The following MTHFD2L variants were observed in gnomAD, a reference collection of about 807,000 sequenced individuals.
MTHFD2L encodes the protein methylenetetrahydrofolate dehydrogenase (NADP+ dependent) 2 like.
In MTHFD2L, 29 loss-of-function variants were observed where a neutral mutation model predicts 34.9. The observed-to-expected ratio is 0.83, with a 90% confidence interval of 0.62 to 1.13. MTHFD2L has a LOEUF of 1.13. Ranked by LOEUF, MTHFD2L falls within the 50% of genes most tolerant of loss-of-function variation. The pLI, the probability that MTHFD2L is intolerant of heterozygous loss-of-function variation, is 0.00. For missense variants in MTHFD2L, 481 were observed against 446.5 expected, an observed-to-expected ratio of 1.08 and a Z score of -0.70; for synonymous variants, 167 against 155.7, an observed-to-expected ratio of 1.07 and a Z score of -0.54.
chr4:74,225,306 T>C lies in MTHFD2L; in HGVS notation c.717T>C (p.Asp239=), dbSNP rs75876975. 1 of 1,611,562 alleles carries C rather than the reference T, an allele frequency of 6.2e-7. No individual in the cohort carries two copies. Among genetic ancestry groups the C allele is most frequent in the Admixed American group, 1.7e-5 (1 of 59,724 alleles). ...AGAAATTCTTCTGTATTCCAGGTGA[T>C]GCAACTGTGACAATAGCTCACAGAT... ...TDGEHERPGG[D]ATVTIAHRYT... is the part of the protein sequence containing the mutation. The change falls in exon 6 of 8, where the codon GAT becomes GAC. Residue 239 remains aspartate, a synonymous_variant. Coordinates refer to ENST00000325278, the MANE Select transcript of MTHFD2L (RefSeq NM_001144978.3).
chr4:74,229,511 A>G (rs185102750), intron 6 of MTHFD2L, among the ~76,000 whole-genome samples: 70 of 152,326 alleles, frequency 4.6e-4, no homozygotes, highest in Admixed American at 2.4e-3. Context: ...TGCGTGATAT[A>G]TATCAGAAAG....
At chr4:74,226,595 GAT>G (rs1406694763) in intron 6 of MTHFD2L, among the ~76,000 whole-genome samples, 1 of 152,114 alleles carries the variant, frequency 6.6e-6, no homozygotes, top group Non-Finnish European at 1.5e-5. Context: ...CTTGTGTATG[GAT>G]AATTCACTTA....
intron 7 of MTHFD2L, among the ~76,000 whole-genome samples, chr4:74,292,387 A>T (rs971125781): frequency 6.6e-6 from 1 of 152,026 alleles, no homozygotes; most frequent in East Asian, 1.9e-4. Context: ...GTTTTTTTTT[A>T]TAGTTGTTTC....
chr4:74,256,726 C>T (rs986532594), intron 6 of MTHFD2L, among the ~76,000 whole-genome samples: 1 of 152,092 alleles, frequency 6.6e-6, no homozygotes, highest in African/African-American at 2.4e-5. Flanking sequence ...AGTGGGGAAA[C>T]GTATAACTAT....
intron 3 of MTHFD2L, 107 bp from the exon 4 acceptor site, chr4:74,199,687 T>G (rs1734078684): frequency 1.0e-6 from 1 of 959,464 alleles, no homozygotes; most frequent in Non-Finnish European, 1.5e-6. Flanking sequence ...TACACCTTTT[T>G]TAGAGCCGAA....
At chr4:74,177,763 CATG>C (rs1250383655) in intron 3 of MTHFD2L, among the ~76,000 whole-genome samples, 1 of 151,920 alleles carries the variant, frequency 6.6e-6, no homozygotes, top group Non-Finnish European at 1.5e-5. Context: ...ATCCAAATGT[CATG>C]ATATCAGTAT....
chr4:74,148,891 T>C (rs193213197), intron 1 of MTHFD2L, among the ~76,000 whole-genome samples: 1 of 152,010 alleles, frequency 6.6e-6, no homozygotes, highest in East Asian at 1.9e-4. Flanking sequence ...GTCTTTTCTG[T>C]ATCCCAAAAG....
At chr4:74,170,091 G>A (rs1372194393) in intron 1 of MTHFD2L, among the ~76,000 whole-genome samples, 3 of 152,202 alleles carry the variant, frequency 2.0e-5, no homozygotes, top group Non-Finnish European at 2.9e-5. Flanking sequence ...ACACTCTTCC[G>A]GAAATTTGAA....
At chr4:74,271,731 A>T (rs1560548675) in intron 6 of MTHFD2L, among the ~76,000 whole-genome samples, 1 of 152,082 alleles carries the variant, frequency 6.6e-6, no homozygotes, top group Non-Finnish European at 1.5e-5. Context: ...CTTGATGGGG[A>T]TGGCATTGAA....
chr4:74,131,979 T>C (rs1036468389), intron 1 of MTHFD2L, among the ~76,000 whole-genome samples: 4 of 151,744 alleles, frequency 2.6e-5, no homozygotes, highest in Admixed American at 6.6e-5. Flanking sequence ...AAAAAACATA[T>C]ATAAAAAGAA....
chr4:74,154,296 T>C (rs1323756290), upstream of MTHFD2L, among the ~76,000 whole-genome samples: 1 of 152,156 alleles, frequency 6.6e-6, no homozygotes, highest in Non-Finnish European at 1.5e-5. Flanking sequence ...GGTTTCTCCA[T>C]AGGTAAGTTA....
At chr4:74,192,362 A>C (rs548067408) in intron 3 of MTHFD2L, among the ~76,000 whole-genome samples, 2 of 152,200 alleles carry the variant, frequency 1.3e-5, no homozygotes, top group South Asian at 4.2e-4. Context: ...ACATTATGCT[A>C]TATTTGTTTT....
intron 6 of MTHFD2L, among the ~76,000 whole-genome samples, chr4:74,236,820 A>G (rs1038802594): frequency 6.6e-6 from 1 of 152,236 alleles, no homozygotes; most frequent in African/African-American, 2.4e-5. Flanking sequence ...AGAGACTCCA[A>G]TAAATGCTAT....
At chr4:74,264,553 A>T (rs1391127160) in intron 6 of MTHFD2L, among the ~76,000 whole-genome samples, 1 of 151,936 alleles carries the variant, frequency 6.6e-6, no homozygotes, top group Non-Finnish European at 1.5e-5. Flanking sequence ...ATGAGAAAAA[A>T]TTAGAGTGTT....
At chr4:74,124,043 A>T (rs1297228613), upstream of MTHFD2L, among the ~76,000 whole-genome samples, 2 of 152,092 alleles carry the variant, frequency 1.3e-5, no homozygotes, top group Admixed American at 6.6e-5. Flanking sequence ...AATTTATATT[A>T]TATTCCATTG....
chr4:74,173,032 C>T (rs188690377), intron 1 of MTHFD2L, among the ~76,000 whole-genome samples: 8 of 152,204 alleles, frequency 5.3e-5, no homozygotes, highest in Admixed American at 3.9e-4. Flanking sequence ...TTCCTTTCCT[C>T]CTCCTCTTTC....
intron 3 of MTHFD2L, among the ~76,000 whole-genome samples, chr4:74,197,184 T>G (rs2110042140): frequency 6.6e-6 from 1 of 152,256 alleles, no homozygotes; most frequent in South Asian, 2.1e-4. Flanking sequence ...AATGGTTGGT[T>G]GTTTACCAAT....
At chr4:74,244,673 C>T (rs1742167534) in intron 6 of MTHFD2L, among the ~76,000 whole-genome samples, 1 of 152,178 alleles carries the variant, frequency 6.6e-6, no homozygotes, top group African/African-American at 2.4e-5. Flanking sequence ...AAATGCAAGA[C>T]AGACCAGTGG....
At chr4:74,268,175 C>G in intron 6 of MTHFD2L, 1 of 983,200 alleles carries the variant, frequency 1.0e-6, no homozygotes, top group Non-Finnish European at 1.2e-6. Context: ...GGAGAAGACA[C>G]TGAGGTTTTT....
Sources: allele counts gnomAD v4.1 joint callset (sites outside exome capture counted in the v4.1 genomes callset), GRCh38; gene constraint gnomAD v4.1.1; transcripts MANE v1.5; gene names NCBI Gene and HGNC (gene_info 2026-07-23, HGNC 2026-07-21).